The following TMEM108 variants were observed in gnomAD, a reference collection of about 807,000 sequenced individuals.
The protein encoded by TMEM108 is transmembrane protein 108, also known as cancer/testis antigen 124.
TMEM108 carries 12 observed loss-of-function variants against 35.1 expected under a neutral mutation model. The observed-to-expected ratio is 0.34, with a 90% CI of 0.22 to 0.55. The LOEUF (loss-of-function observed/expected upper bound fraction) is 0.55. Among genes scored for constraint, TMEM108 ranks in the 20% least tolerant of loss-of-function variants. The pLI is 0.89. For missense variants in TMEM108, 680 were observed against 753.3 expected (o/e 0.90, Z 1.14); for synonymous variants, 287 against 308.6 (o/e 0.93, Z 0.73).
intron 3 of TMEM108, among the ~76,000 whole-genome samples, chr3:133,322,068 C>A (rs1211614805): frequency 1.3e-5 from 2 of 152,034 alleles, no homozygotes; most frequent in Non-Finnish European, 2.9e-5. Flanking sequence ...ATGCCTACAT[C>A]AAAAAGTCTG....
chr3:133,381,290 T>C, intron 4 of TMEM108, 129 bp downstream of exon 4: 1 of 999,324 alleles, frequency 1.0e-6, no homozygotes, highest in Non-Finnish European at 1.5e-6. Context: ...CTCAGGAAAC[T>C]AGGTATCAGG....
intron 4 of TMEM108, chr3:133,386,771 C>A: frequency 1.8e-6 from 2 of 1,104,572 alleles, no homozygotes; most frequent in Middle Eastern, 3.7e-4. Context: ...CATCTCTATA[C>A]CCTCCGGTGT....
At position 133,110,767 on chromosome 3, in the gene TMEM108, A is replaced by G. The variant is rs576361246; in HGVS notation, c.-47+64747A>G. Among the ~76,000 whole-genome samples the G allele has an allele frequency of 4.6e-5, 7 of 152,294 alleles. No individual in the cohort carries two copies. In the East Asian group the frequency reaches 1.3e-3, roughly 29 times the overall value. On this transcript the variant is annotated intron_variant, in intron 2 of 5. Coordinates refer to ENST00000321871, the MANE Select transcript of TMEM108 (RefSeq NM_023943.4). ...TCCTAAGGCTGTGGTTCTCAAAATTATGTGAGCATCAGAATCTCCTATAGG... is the reference window on the plus strand; with the variant it reads ...TCCTAAGGCTGTGGTTCTCAAAATTGTGTGAGCATCAGAATCTCCTATAGG...
intron 3 of TMEM108, among the ~76,000 whole-genome samples, chr3:133,321,266 A>G (rs568529150): frequency 6.6e-6 from 1 of 152,356 alleles, no homozygotes; most frequent in East Asian, 1.9e-4. Flanking sequence ...GCTGTCTTCA[A>G]GAGACTCACC....
chr3:133,226,147 G>T (rs1219158487), intron 2 of TMEM108, among the ~76,000 whole-genome samples: 1 of 152,184 alleles, frequency 6.6e-6, no homozygotes, highest in African/African-American at 2.4e-5. Context: ...TGAAGACCTG[G>T]AATCAATAGA....
intron 2 of TMEM108, among the ~76,000 whole-genome samples, chr3:133,219,728 C>T (rs1945959802): frequency 2.0e-5 from 3 of 152,060 alleles, no homozygotes; most frequent in Admixed American, 2.0e-4. Flanking sequence ...CCTTCTTAAA[C>T]TTAAGACTTG....
chr3:133,064,225 C>G (rs1317612168), intron 2 of TMEM108, among the ~76,000 whole-genome samples: 3 of 152,162 alleles, frequency 2.0e-5, no homozygotes, highest in African/African-American at 7.2e-5. Flanking sequence ...GTTCTATCTT[C>G]TGGTCACTCC....
intron 3 of TMEM108, among the ~76,000 whole-genome samples, chr3:133,265,291 G>C (rs1419456922): frequency 1.3e-5 from 2 of 152,126 alleles, no homozygotes; most frequent in African/African-American, 2.4e-5. Context: ...TGTCTTTGAG[G>C]TTTGATGTTC....
chr3:133,287,982 A>G lies in TMEM108; in HGVS notation c.40+58631A>G, dbSNP rs541791269. 1.6e-3 allele frequency among the ~76,000 whole-genome samples: 242 copies of G among 152,350 alleles called. 1 individual carries two copies. The highest frequency in any genetic ancestry group is 2.8e-3 in the Non-Finnish European group (189 of 68,032). On this transcript the variant is annotated intron_variant, in intron 3 of 5. Transcript: ENST00000321871. ...TCACTGGGAGCCTTAGGCTGGGTTC[A>G]GCATGATGGACCTGGAGATCCCAAA...
intron 2 of TMEM108, among the ~76,000 whole-genome samples, chr3:133,131,588 GCCA>G (rs1944491322): frequency 6.6e-6 from 1 of 150,778 alleles, no homozygotes; most frequent in Non-Finnish European, 1.5e-5. Context: ...TTCTGACTAT[GCCA>G]CCAACCAACG....
intron 2 of TMEM108, among the ~76,000 whole-genome samples, chr3:133,144,234 G>T (rs956502137): frequency 1.3e-5 from 2 of 152,016 alleles, no homozygotes; most frequent in African/African-American, 2.4e-5. Context: ...TTGGTTTTCT[G>T]TTCCTGTGTT....
chr3:133,074,577 C>T (rs1322961663), intron 2 of TMEM108, among the ~76,000 whole-genome samples: 1 of 152,160 alleles, frequency 6.6e-6, no homozygotes, highest in African/African-American at 2.4e-5. Context: ...GCAACCTCCT[C>T]CTCCCAGGTT....
intron 3 of TMEM108, among the ~76,000 whole-genome samples, chr3:133,374,543 T>TAC (rs2072775550): frequency 1.1e-5 from 1 of 94,536 alleles, no homozygotes; most frequent in Admixed American, 1.1e-4. Flanking sequence ...TAATTTTTGT[T>TAC]ATATATATAT....
At chr3:133,301,132 T>G (rs748373422) in intron 3 of TMEM108, among the ~76,000 whole-genome samples, 66 of 152,052 alleles carry the variant, frequency 4.3e-4, no homozygotes, top group Non-Finnish European at 9.0e-4. Flanking sequence ...TATTGGAAGA[T>G]CTCTTATTCC....
intron 2 of TMEM108, among the ~76,000 whole-genome samples, chr3:133,181,276 G>A (rs573532027): frequency 9.0e-4 from 137 of 152,120 alleles, no homozygotes; most frequent in African/African-American, 2.7e-3. Flanking sequence ...GAGCCTGAGT[G>A]GTCTTACCTA....
chr3:133,110,773 G>A (rs1170046317), intron 2 of TMEM108, among the ~76,000 whole-genome samples: 1 of 152,220 alleles, frequency 6.6e-6, no homozygotes, highest in East Asian at 1.9e-4. Flanking sequence ...AATTATGTGA[G>A]CATCAGAATC....
chr3:133,042,422 A>G (rs1943286567), intron 1 of TMEM108, among the ~76,000 whole-genome samples: 1 of 152,204 alleles, frequency 6.6e-6, no homozygotes, highest in African/African-American at 2.4e-5. Flanking sequence ...TTATTATGTG[A>G]CTAAAAATAA....
intron 2 of TMEM108, among the ~76,000 whole-genome samples, chr3:133,191,381 C>T (rs1171498916): frequency 1.3e-5 from 2 of 152,156 alleles, no homozygotes; most frequent in East Asian, 3.8e-4. Flanking sequence ...AGCCCCTTCT[C>T]CTCTGAAGTT....
intron 4 of TMEM108, chr3:133,387,823 A>C: frequency 1.3e-5 from 13 of 984,954 alleles, no homozygotes; most frequent in Non-Finnish European, 1.6e-5. Flanking sequence ...CCTAGATTCT[A>C]ATTCTAAATT....
Sources: gnomAD v4.1 joint callset for allele counts (sites outside exome capture counted in the v4.1 genomes callset) on GRCh38, gnomAD v4.1.1 for gene constraint, MANE v1.5 for transcripts, NCBI Gene and HGNC (gene_info 2026-07-23, HGNC 2026-07-21) for gene names.